ABLIM2: variants seen among roughly 807,000 people sequenced by gnomAD.
The protein encoded by ABLIM2 is actin binding LIM protein family member 2.
A neutral mutation model predicts 97.7 loss-of-function variants in ABLIM2; 53 were observed. That is an observed-to-expected ratio of 0.54 (90% CI 0.44 to 0.68). ABLIM2 has a LOEUF of 0.68. Ranked by LOEUF, ABLIM2 falls within the 30% of genes least tolerant of loss-of-function variation. The probability of loss-of-function intolerance (pLI) is 0.00; values close to 1 mark genes in which losing one functional copy is unlikely to be tolerated. For synonymous variants in ABLIM2, 361 were observed against 345.8 expected, an observed-to-expected ratio of 1.04 and a Z score of -0.49; for missense variants, 835 against 867.2, an observed-to-expected ratio of 0.96 and a Z score of 0.47.
intron 1 of ABLIM2, among the ~76,000 whole-genome samples, chr4:8,143,793 C>T (rs1220917752): frequency 3.9e-5 from 6 of 152,178 alleles, no homozygotes; most frequent in Non-Finnish European, 8.8e-5. Context: ...CCACCTCTAG[C>T]CTCCCTGCCA....
At chr4:8,117,663 C>T (rs932017902) in intron 1 of ABLIM2, among the ~76,000 whole-genome samples, 4 of 150,620 alleles carry the variant, frequency 2.7e-5, no homozygotes, top group Non-Finnish European at 4.5e-5. Flanking sequence ...CCAAAGACTG[C>T]TTCTTCTCCC....
intron 20 of ABLIM2, among the ~76,000 whole-genome samples, chr4:7,978,964 G>T (rs1735860470): frequency 6.6e-6 from 1 of 152,148 alleles, no homozygotes; most frequent in African/African-American, 2.4e-5. Flanking sequence ...GGCCGTACTG[G>T]ATTTGCAGCC....
rs76460741 is a variant in ABLIM2, at chr4:8,125,962, G to C, written c.11-19325C>G. On this transcript the variant is annotated intron_variant, in intron 1 of 20. Transcript: ENST00000447017. This position sits in a 1 kb window ranked among gnomAD's most constrained non-coding sequence, Gnocchi z 6.2. ...CCTTTTTTGGTTCACAACACCCTGGGAGGGGGAAGCCACACAGCCAACCCG... is the reference window on the plus strand; with the variant it reads ...CCTTTTTTGGTTCACAACACCCTGGCAGGGGGAAGCCACACAGCCAACCCG... Among the ~76,000 whole-genome samples the C allele has an allele frequency of 8.2e-3, 1,250 of 152,308 alleles. 19 individuals carry two copies. Among genetic ancestry groups the C allele is most frequent in the African/African-American group, 0.029 (1,211 of 41,572 alleles).
chr4:8,146,023 A>G (rs1040868234), intron 1 of ABLIM2, among the ~76,000 whole-genome samples: 4 of 152,244 alleles, frequency 2.6e-5, no homozygotes, highest in African/African-American at 9.6e-5. Flanking sequence ...CATTAGGAAC[A>G]AAGGAAAATT....
chr4:8,118,137 C>T (rs1349191467), intron 1 of ABLIM2, among the ~76,000 whole-genome samples: 1 of 152,238 alleles, frequency 6.6e-6, no homozygotes, highest in Non-Finnish European at 1.5e-5. Flanking sequence ...CTGTACTGAG[C>T]TTTTGGTGGT....
intron 2 of ABLIM2, among the ~76,000 whole-genome samples, chr4:8,106,232 CTGGG>C (rs1276712027): frequency 6.6e-6 from 1 of 152,208 alleles, no homozygotes; most frequent in Non-Finnish European, 1.5e-5. Flanking sequence ...TTCTCTGAGG[CTGGG>C]TGCAGCCACA....
rs767255789 is a variant in ABLIM2, at chr4:8,147,991, C to T, written c.10+10689G>A. ...GCCCAATATCCCAGAAGAAGGGGCA[C>T]GAGTCAGGGCCCAGCTGCAGACCAA... On this transcript the variant is annotated intron_variant, in intron 1 of 20. Coordinates refer to ENST00000447017, the MANE Select transcript of ABLIM2 (RefSeq NM_001130083.2). This position sits in a 1 kb window ranked among gnomAD's most constrained non-coding sequence, Gnocchi z 5.3. Among the ~76,000 whole-genome samples, 4 of 152,212 alleles carry T rather than the reference C, an allele frequency of 2.6e-5. No homozygotes were observed. The highest frequency in any genetic ancestry group is 5.9e-5 in the Non-Finnish European group (4 of 68,032).
rs1283127458 is a variant in ABLIM2 at position 8,083,520 on chromosome 4, T to C, written c.455-2718A>G. Among the ~76,000 whole-genome samples, 3 of 152,154 alleles carry C rather than the reference T, an allele frequency of 2.0e-5. No individual in the cohort carries two copies. Among genetic ancestry groups the C allele is most frequent in the Non-Finnish European group, 4.4e-5 (3 of 68,026 alleles). The stretch of plus-strand genomic sequence containing the variant: ...GCTCCCTTGACCTTGAGCTCCAAAC[T>C]GCAGAGGGGATGTGAACCTCACACC... On this transcript the variant is annotated intron_variant, in intron 4 of 20. Coordinates refer to ENST00000447017, the MANE Select transcript of ABLIM2 (RefSeq NM_001130083.2). The surrounding 1 kb of genome is among the most constrained non-coding windows in gnomAD (Gnocchi z 4.6).
chr4:8,111,926 C>CAAAA (rs59261859), intron 1 of ABLIM2, among the ~76,000 whole-genome samples: 3 of 121,274 alleles, frequency 2.5e-5, no homozygotes, highest in East Asian at 2.4e-4. Context: ...GACTCTGTCT[C>CAAAA]AAAAAAAAAA....
rs765949918 is a variant in ABLIM2, at chr4:8,106,539, G to A, written c.109C>T (p.Arg37Trp). ...CGNVCKGEVL[R>W]VQDKYFHIKC... is the part of the protein sequence containing the mutation. ...ATGTGGAAGTACTTGTCCTGCACCC[G>A]CAGCACCTCGCCCTTGCACACATTC... is the stretch of plus-strand genomic sequence containing the variant. The change falls in exon 2 of 21, where the codon CGG becomes TGG. Residue 37 changes from arginine to tryptophan, a missense_variant. Coordinates refer to ENST00000447017, the MANE Select transcript of ABLIM2 (RefSeq NM_001130083.2). 11 of 1,603,702 alleles carry A rather than the reference G, an allele frequency of 6.9e-6. No homozygotes were observed. The highest frequency in any genetic ancestry group is 8.5e-6 in the Non-Finnish European group (10 of 1,175,556).
At position 7,966,912 on chromosome 4, in the gene ABLIM2, G is replaced by T; in HGVS notation, c.*78C>A. On this transcript the variant is annotated 3_prime_UTR_variant, in exon 21 of 21. Coordinates refer to ENST00000447017, the MANE Select transcript of ABLIM2 (RefSeq NM_001130083.2). ...CAGAGAAGCCAGAGCAAGGTGTGTG[G>T]GAGGGGTGTGTGCGGTTCTCGCCAG... 1 of 839,190 alleles carries T rather than the reference G, an allele frequency of 1.2e-6. No individual in the cohort carries two copies. Among genetic ancestry groups the T allele is most frequent in the Non-Finnish European group, 1.9e-6 (1 of 519,030 alleles). The allele number at this position is 839,190 out of a possible 1,614,324, so 52.0% of individuals were successfully genotyped here.
chr4:7,977,790 C>CAATAAATAAATAAATAAATAAATAAATA (rs10660218), intron 20 of ABLIM2, among the ~76,000 whole-genome samples: 2 of 142,304 alleles, frequency 1.4e-5, no homozygotes, highest in African/African-American at 2.6e-5. Flanking sequence ...GACTCTGTCT[C>CAATAAATAAATAAATAAATAAATAAATA]AATAAATAAA....
chr4:8,014,580 C>T (rs968242711), intron 14 of ABLIM2, among the ~76,000 whole-genome samples: 3 of 152,184 alleles, frequency 2.0e-5, no homozygotes, highest in Non-Finnish European at 4.4e-5. Flanking sequence ...CCTGTCTGGC[C>T]GTGGGCAAAT....
rs1238626356 is a variant in ABLIM2 at position 8,046,314 on chromosome 4, C to T, written c.823-1073G>A. On this transcript the variant is annotated intron_variant, in intron 8 of 20. Transcript: ENST00000447017. The surrounding 1 kb of genome is among the most constrained non-coding windows in gnomAD (Gnocchi z 4.4). Reference sequence around the variant, plus strand: ...TGGCTGCACCTGCTGTCCCTCCCCACCTGCAGGGCAGGGGCCTCTCCTGGT... The same window carrying T: ...TGGCTGCACCTGCTGTCCCTCCCCATCTGCAGGGCAGGGGCCTCTCCTGGT... 6.6e-6 allele frequency among the ~76,000 whole-genome samples: 1 copy of T among 152,168 alleles called. No homozygotes were observed. Among genetic ancestry groups the T allele is most frequent in the Non-Finnish European group, 1.5e-5 (1 of 68,022 alleles).
rs138866849 is a variant in ABLIM2 at position 8,141,688 on chromosome 4, T to C, written c.10+16992A>G. ...TGAGCACACAGTTCTGCTCCTAGTA[T>C]CAGCCAGTTATGCTTGATATTAGGA... is the stretch of plus-strand genomic sequence containing the variant. On this transcript the variant is annotated intron_variant, in intron 1 of 20. Coordinates refer to ENST00000447017, the MANE Select transcript of ABLIM2 (RefSeq NM_001130083.2). 2.6e-3 allele frequency among the ~76,000 whole-genome samples: 392 copies of C among 152,330 alleles called. 1 individual carries two copies. The highest frequency in any genetic ancestry group is 9.2e-3 in the African/African-American group (381 of 41,562).
At chr4:7,977,124 T>C (rs1374388948) in intron 20 of ABLIM2, among the ~76,000 whole-genome samples, 1 of 152,064 alleles carries the variant, frequency 6.6e-6, no homozygotes, top group East Asian at 1.9e-4. Flanking sequence ...TGATAGAGAG[T>C]GAGTTCTCAC....
chr4:7,991,737 C>A (rs567954766), intron 17 of ABLIM2, among the ~76,000 whole-genome samples: 2 of 152,226 alleles, frequency 1.3e-5, no homozygotes, highest in South Asian at 4.2e-4. Flanking sequence ...TCAAACCATG[C>A]AGAGGTGCCT....
intron 20 of ABLIM2, among the ~76,000 whole-genome samples, chr4:7,982,248 T>C (rs1238610899): frequency 6.6e-6 from 1 of 152,240 alleles, no homozygotes; most frequent in Admixed American, 6.5e-5. Flanking sequence ...AGTTTGGGCA[T>C]AGCCTGGCAG....
At chr4:7,995,828 G>A (rs981559240) in intron 16 of ABLIM2, among the ~76,000 whole-genome samples, 15 of 152,148 alleles carry the variant, frequency 9.9e-5, no homozygotes, top group East Asian at 1.9e-4. Context: ...CCAGACCTTC[G>A]GGCTATTCCT....
Sources: gnomAD v4.1 joint callset for allele counts (sites outside exome capture counted in the v4.1 genomes callset) on GRCh38, gnomAD v4.1.1 for gene constraint, Gnocchi (gnomAD v3.1) non-coding constraint, MANE v1.5 for transcripts, NCBI Gene and HGNC (gene_info 2026-07-23, HGNC 2026-07-21) for gene names.